Variants in ITGA9 observed in about 807,000 individuals in gnomAD.
ITGA9 encodes the protein integrin alpha-9.
Under a neutral mutation model 127.8 loss-of-function variants are expected in ITGA9, and 56 were observed. The observed-to-expected ratio is 0.44, with a 90% CI of 0.35 to 0.55. The LOEUF (loss-of-function observed/expected upper bound fraction) is 0.55, where lower values mean the gene tolerates loss of function less well. Ranked by LOEUF, ITGA9 falls within the 20% of genes least tolerant of loss-of-function variation. The pLI is 0.00. For synonymous variants in ITGA9, 508 were observed against 514.5 expected (o/e 0.99, Z 0.17); for missense variants, 1,196 against 1,347.1 (o/e 0.89, Z 1.76).
chr3:37,480,666 A>T (rs529358338), intron 3 of ITGA9, among the ~76,000 whole-genome samples: 6 of 152,164 alleles, frequency 3.9e-5, no homozygotes, highest in African/African-American at 1.2e-4. Context: ...AGTTAATGAG[A>T]TGCATGCTGA....
At chr3:37,623,218 G>A (rs1479208426) in intron 15 of ITGA9, among the ~76,000 whole-genome samples, 1 of 152,194 alleles carries the variant, frequency 6.6e-6, no homozygotes, top group Non-Finnish European at 1.5e-5. Flanking sequence ...ACAGCCCCGT[G>A]CTGCTGTAGA....
chr3:37,515,863 TG>T (rs1269916694), intron 9 of ITGA9, among the ~76,000 whole-genome samples: 1 of 152,160 alleles, frequency 6.6e-6, no homozygotes, highest in African/African-American at 2.4e-5. Flanking sequence ...CACTCCAGCC[TG>T]GGCTACACAA....
At chr3:37,569,228 T>C (rs1485712681) in intron 15 of ITGA9, among the ~76,000 whole-genome samples, 1 of 152,200 alleles carries the variant, frequency 6.6e-6, no homozygotes, top group Non-Finnish European at 1.5e-5. Context: ...GGGGAACTCC[T>C]CATTATAAAA....
chr3:37,769,436 A>G (rs751797009), intron 23 of ITGA9, among the ~76,000 whole-genome samples: 2 of 151,992 alleles, frequency 1.3e-5, no homozygotes, highest in Non-Finnish European at 2.9e-5. Context: ...TAAATCATAC[A>G]TTCTCACACA....
chr3:37,562,093 G>C (rs141814424), intron 15 of ITGA9, among the ~76,000 whole-genome samples: 1 of 152,180 alleles, frequency 6.6e-6, no homozygotes, highest in Non-Finnish European at 1.5e-5. Flanking sequence ...AGAGAGCCAC[G>C]AATGGGGCAC....
intron 15 of ITGA9, among the ~76,000 whole-genome samples, chr3:37,579,256 C>T (rs1057016590): frequency 3.3e-5 from 5 of 152,252 alleles, no homozygotes; most frequent in East Asian, 1.9e-4. Context: ...ATTCTCACAC[C>T]GAAGTAATTC....
chr3:37,726,924 G>A (rs536421301), intron 18 of ITGA9, among the ~76,000 whole-genome samples: 1 of 152,304 alleles, frequency 6.6e-6, no homozygotes, highest in South Asian at 2.1e-4. Context: ...CTATGTTGGG[G>A]TTATGTCCTG....
At chr3:37,583,512 A>T (rs1699729439) in intron 15 of ITGA9, among the ~76,000 whole-genome samples, 1 of 152,218 alleles carries the variant, frequency 6.6e-6, no homozygotes, top group Non-Finnish European at 1.5e-5. Flanking sequence ...CATGAAAGAC[A>T]TGTCTGTCAG....
chr3:37,515,492 G>A (rs918099262), intron 9 of ITGA9, among the ~76,000 whole-genome samples: 14 of 152,218 alleles, frequency 9.2e-5, no homozygotes, highest in Admixed American at 8.5e-4. Context: ...AACCAGGGAG[G>A]TTTGGGAGGC....
At chr3:37,784,829 G>C in intron 25 of ITGA9, 148 bp from the exon 26 acceptor site, 2 of 685,790 alleles carry the variant, frequency 2.9e-6, no homozygotes, top group Non-Finnish European at 5.4e-6. Context: ...TTATGTGGGT[G>C]CCTGGGATGG....
At position 37,819,074 on chromosome 3, in the gene ITGA9, T is replaced by A; in HGVS notation, c.*85T>A. ...CCATATTTGGAAGAAAAAAATCTTC[T>A]CCAGATTTTTCGGAGGCCCCACTGA... On this transcript the variant is annotated 3_prime_UTR_variant, in exon 28 of 28. Coordinates refer to ENST00000264741, the MANE Select transcript of ITGA9 (RefSeq NM_002207.3). The A allele has an allele frequency of 9.3e-7, 1 of 1,080,342 alleles. No homozygotes were observed. Among genetic ancestry groups the A allele is most frequent in the Non-Finnish European group, 1.4e-6 (1 of 710,440 alleles). The allele number at this position is 1,080,342 out of a possible 1,614,324, so 66.9% of individuals were successfully genotyped here.
intron 18 of ITGA9, among the ~76,000 whole-genome samples, chr3:37,718,213 A>G (rs537537925): frequency 1.3e-5 from 2 of 152,382 alleles, no homozygotes; most frequent in South Asian, 2.1e-4. Context: ...TGTCTCACAC[A>G]TGAGAATTAT....
intron 18 of ITGA9, among the ~76,000 whole-genome samples, chr3:37,697,867 G>A (rs1213082571): frequency 6.6e-6 from 1 of 152,184 alleles, no homozygotes; most frequent in African/African-American, 2.4e-5. Flanking sequence ...GGATGGCTGG[G>A]TCAAATGGTG....
rs1030475446 is a variant in ITGA9, at chr3:37,549,665, T to C, written c.1689+7080T>C. Among the ~76,000 whole-genome samples the C allele has an allele frequency of 4.7e-4, 71 of 152,248 alleles. 1 individual carries two copies. The highest frequency in any genetic ancestry group is 3.8e-4 in the Non-Finnish European group (26 of 68,044). On this transcript the variant is annotated intron_variant, in intron 15 of 27. Coordinates refer to ENST00000264741, the MANE Select transcript of ITGA9 (RefSeq NM_002207.3). ...TTTGAGATGTGATTATAAAGATCCC[T>C]TCTGCCTCAAACCTTGAACTTAGAT... is the stretch of plus-strand genomic sequence containing the variant.
chr3:37,533,442 A>G lies in ITGA9; in HGVS notation c.1502A>G (p.His501Arg), dbSNP rs778943433. The G allele has an allele frequency of 1.2e-6, 2 of 1,614,126 alleles. No homozygotes were observed. Among genetic ancestry groups the G allele is most frequent in the Non-Finnish European group, 1.7e-6 (2 of 1,180,012 alleles). Reference protein sequence around the residue: ...CLNVTTCFSFHGKHVPGEIGL... With the variant: ...CLNVTTCFSFRGKHVPGEIGL... ...AACGTCACCACCTGCTTCAGCTTCCATGGCAAACACGTTCCAGGAGAGATT... is the reference window on the plus strand; with the variant it reads ...AACGTCACCACCTGCTTCAGCTTCCGTGGCAAACACGTTCCAGGAGAGATT... Residue 501 changes from histidine to arginine, a missense_variant, in exon 14 of 28, where the codon CAT (histidine) becomes CGT (arginine). By Grantham distance (29) the His-to-Arg change is conservative. Coordinates refer to ENST00000264741, the MANE Select transcript of ITGA9 (RefSeq NM_002207.3).
chr3:37,713,773 G>A (rs1401993908), intron 18 of ITGA9, among the ~76,000 whole-genome samples: 1 of 152,212 alleles, frequency 6.6e-6, no homozygotes, highest in African/African-American at 2.4e-5. Flanking sequence ...AGGGTCTCCT[G>A]GCCAGCCCTA....
chr3:37,681,378 A>G (rs1700733135), intron 17 of ITGA9, among the ~76,000 whole-genome samples: 1 of 152,028 alleles, frequency 6.6e-6, no homozygotes, highest in South Asian at 2.1e-4. Context: ...TCTCTGTGCA[A>G]CCCTCAAAAT....
intron 17 of ITGA9, among the ~76,000 whole-genome samples, chr3:37,681,009 T>C (rs564513175): frequency 6.6e-6 from 1 of 152,316 alleles, no homozygotes; most frequent in East Asian, 1.9e-4. Flanking sequence ...ATTGCACATG[T>C]TATTCTTGTT....
chr3:37,561,789 G>A (rs529519473), intron 15 of ITGA9, among the ~76,000 whole-genome samples: 1 of 152,092 alleles, frequency 6.6e-6, no homozygotes, highest in African/African-American at 2.4e-5. Flanking sequence ...ACAATTACTG[G>A]GGTCATGCCT....
Sources: allele counts gnomAD v4.1 joint callset (sites outside exome capture counted in the v4.1 genomes callset), GRCh38; gene constraint gnomAD v4.1.1; transcripts MANE v1.5; gene names NCBI Gene and HGNC (gene_info 2026-07-23, HGNC 2026-07-21).